PCDHGB1: variants seen among roughly 807,000 people sequenced by gnomAD.
The protein encoded by PCDHGB1 is protocadherin gamma subfamily B, 1, also known as protocadherin gamma-B1.
In PCDHGB1, 34 loss-of-function variants were observed where a neutral mutation model predicts 56.6. That is an observed-to-expected ratio of 0.60 (90% CI 0.46 to 0.80). The LOEUF is 0.80. Among genes scored for constraint, PCDHGB1 ranks in the 30% least tolerant of loss-of-function variants. The probability of loss-of-function intolerance (pLI) is 0.00; values close to 1 mark genes in which losing one functional copy is unlikely to be tolerated. For missense variants in PCDHGB1, 1,278 were observed against 1,204.6 expected (o/e 1.06, Z -0.90); for synonymous variants, 561 against 505.9 (o/e 1.11, Z -1.46).
Position 141,372,293 on chromosome 5 carries a change from C to A in PCDHGB1, c.2409+19624C>A, listed in dbSNP as rs779422890. Reference sequence around the variant, plus strand: ...AGGTGCGCACGGCGCGTACCTTGGGCGACAGGGAGGCCGCCCGCCAGCGCC... The same window carrying A: ...AGGTGCGCACGGCGCGTACCTTGGGAGACAGGGAGGCCGCCCGCCAGCGCC... On this transcript the variant is annotated intron_variant, in intron 1 of 3. Coordinates refer to ENST00000523390, the MANE Select transcript of PCDHGB1 (RefSeq NM_018922.3). 1.9e-6 allele frequency: 3 copies of A among 1,613,106 alleles called. No homozygotes were observed. In the East Asian group the frequency reaches 6.7e-5, roughly 36 times the overall value.
intron 1 of PCDHGB1, chr5:141,370,741 T>C (rs746594689): frequency 6.2e-7 from 1 of 1,613,900 alleles, no homozygotes; most frequent in Non-Finnish European, 8.5e-7. Flanking sequence ...CCTTTAAACT[T>C]TTTTCATGTA....
At chr5:141,418,874 G>A (rs2096295785) in intron 1 of PCDHGB1, 1 of 1,614,024 alleles carries the variant, frequency 6.2e-7, no homozygotes, top group East Asian at 2.2e-5. Context: ...AGAAGTTGTA[G>A]ACGAAAACGA....
In PCDHGB1 at chr5:141,360,423, C is replaced by A. The variant is rs760359468; in HGVS notation, c.2409+7754C>A. On this transcript the variant is annotated intron_variant, in intron 1 of 3. Coordinates refer to ENST00000523390, the MANE Select transcript of PCDHGB1 (RefSeq NM_018922.3). Reference sequence around the variant, plus strand: ...ACAGAATAGACCGAGAACAGATATGCGGGAAGCAGCCTCTGTGTGTTCTGG... The same window carrying A: ...ACAGAATAGACCGAGAACAGATATGAGGGAAGCAGCCTCTGTGTGTTCTGG... 1.4e-5 allele frequency: 23 copies of A among 1,613,790 alleles called. No individual in the cohort carries two copies. The Admixed American group carries it at 2.2e-4, about 15-fold the overall frequency.
chr5:141,507,487 G>A (rs889348168), intron 3 of PCDHGB1, among the ~76,000 whole-genome samples: 1 of 152,204 alleles, frequency 6.6e-6, no homozygotes, highest in African/African-American at 2.4e-5. Context: ...GCCTCCTGAG[G>A]CAGAGCTGTC....
In PCDHGB1 at chr5:141,408,231, G is replaced by A. The variant is rs775180708; in HGVS notation, c.2409+55562G>A. On this transcript the variant is annotated intron_variant, in intron 1 of 3. Coordinates refer to ENST00000523390, the MANE Select transcript of PCDHGB1 (RefSeq NM_018922.3). ...GGAGGGAGCTGCGCGCAGAGGCGCC[G>A]GGCCGGCCCGCGGCAGGTGCTATTT... 5 of 1,567,976 alleles carry A rather than the reference G, an allele frequency of 3.2e-6. No individual in the cohort carries two copies. In the African/African-American group the frequency reaches 5.4e-5, roughly 17 times the overall value.
chr5:141,380,379 A>G (rs1484471466), intron 1 of PCDHGB1, among the ~76,000 whole-genome samples: 1 of 152,244 alleles, frequency 6.6e-6, no homozygotes, highest in Non-Finnish European at 1.5e-5. Context: ...AGTCCCAAAA[A>G]AGAAAAGAGA....
intron 1 of PCDHGB1, chr5:141,408,389 G>T: frequency 6.2e-7 from 1 of 1,614,032 alleles, no homozygotes; most frequent in Non-Finnish European, 8.5e-7. Flanking sequence ...GGATGTGTCG[G>T]CTCGCAAGCT....
chr5:141,382,893 G>A (rs1778536520), intron 1 of PCDHGB1: 1 of 1,534,786 alleles, frequency 6.5e-7, no homozygotes, highest in African/African-American at 1.4e-5. Flanking sequence ...AGAGAAGCAG[G>A]ACGACTATGG....
In PCDHGB1 at chr5:141,350,925, C is replaced by T; in HGVS notation, c.665C>T (p.Thr222Ile). 6.2e-7 allele frequency: 1 copy of T among 1,614,094 alleles called. No homozygotes were observed. The highest frequency in any genetic ancestry group is 1.1e-5 in the South Asian group (1 of 91,090). The change falls in exon 1 of 4, where the codon ACC (threonine) becomes ATC (isoleucine). Residue 222 changes from threonine to isoleucine, a missense_variant. Coordinates refer to ENST00000523390, the MANE Select transcript of PCDHGB1 (RefSeq NM_018922.3). ...MDGGDPPLSG[T>I]THIWIRVTDA... is the part of the protein sequence containing the mutation. ...GGCGGGGACCCGCCTCTAAGCGGCA[C>T]CACCCATATCTGGATCCGAGTTACG...
intron 1 of PCDHGB1, among the ~76,000 whole-genome samples, chr5:141,401,572 C>T (rs1013014550): frequency 3.3e-5 from 5 of 152,268 alleles, no homozygotes; most frequent in Middle Eastern, 3.4e-3. Flanking sequence ...TTCTCTTGCT[C>T]GGAATCCTGA....
In PCDHGB1 at chr5:141,421,516, T is replaced by G. The variant is rs199973694; in HGVS notation, c.2409+68847T>G. On this transcript the variant is annotated intron_variant, in intron 1 of 3. Transcript: ENST00000523390. Reference sequence around the variant, plus strand: ...AGGCAGGATAGACCGGGAGGAGCTCTGTGAGACGGTGTCCTCCTGTTTTTT... The same window carrying G: ...AGGCAGGATAGACCGGGAGGAGCTCGGTGAGACGGTGTCCTCCTGTTTTTT... 1.4e-5 allele frequency: 22 copies of G among 1,614,064 alleles called. No homozygotes were observed. The East Asian group carries it at 4.9e-4, about 36-fold the overall frequency.
rs753872678 is a variant in PCDHGB1, at chr5:141,431,407, C to G, written c.2410-63400C>G. 4 of 1,613,716 alleles carry G rather than the reference C, an allele frequency of 2.5e-6. No individual in the cohort carries two copies. Among genetic ancestry groups the G allele is most frequent in the Non-Finnish European group, 3.4e-6 (4 of 1,180,048 alleles). The stretch of plus-strand genomic sequence containing the variant: ...ACCACCTGGTCCTTACGGCCTCCGA[C>G]GGGGGCGACCCGGTGCGCACAGGCA... On this transcript the variant is annotated intron_variant, in intron 1 of 3. Coordinates refer to ENST00000523390, the MANE Select transcript of PCDHGB1 (RefSeq NM_018922.3). This position sits in a 1 kb window ranked among gnomAD's most constrained non-coding sequence, Gnocchi z 4.8.
At chr5:141,400,431 A>T (rs542969819) in intron 1 of PCDHGB1, 1 of 1,614,034 alleles carries the variant, frequency 6.2e-7, no homozygotes. Context: ...GTAGTGAGCA[A>T]TTGAGTTCAG....
chr5:141,382,263 T>C (rs1447947679), intron 1 of PCDHGB1, among the ~76,000 whole-genome samples: 1 of 152,242 alleles, frequency 6.6e-6, no homozygotes, highest in Non-Finnish European at 1.5e-5. Flanking sequence ...TCATGGTGTC[T>C]AGAACATATG....
intron 1 of PCDHGB1, among the ~76,000 whole-genome samples, chr5:141,407,131 T>C (rs1164616354): frequency 6.6e-6 from 1 of 152,226 alleles, no homozygotes; most frequent in African/African-American, 2.4e-5. Context: ...TGCTTTATTT[T>C]TAAGAAAAAA....
intron 1 of PCDHGB1, chr5:141,364,262 CG>C: frequency 1.3e-6 from 2 of 1,504,192 alleles, no homozygotes; most frequent in Non-Finnish European, 1.8e-6. Flanking sequence ...ATGTACCCAT[CG>C]GCTTTAGATA....
At chr5:141,387,213 G>C (rs1279285840) in intron 1 of PCDHGB1, among the ~76,000 whole-genome samples, 4 of 152,128 alleles carry the variant, frequency 2.6e-5, no homozygotes, top group Admixed American at 1.3e-4. Flanking sequence ...ATACTCTCCG[G>C]AAAAAGTTGA....
intron 1 of PCDHGB1, chr5:141,371,206 A>T: frequency 6.2e-7 from 1 of 1,614,018 alleles, no homozygotes. Context: ...GACATGGATG[A>T]GGGCATCAAT....
At chr5:141,434,830 C>A (rs7703679) in intron 1 of PCDHGB1, among the ~76,000 whole-genome samples, 45,467 of 151,546 alleles carry the variant, frequency 0.3, 8,050 homozygotes, top group African/African-American at 0.5. Flanking sequence ...GTACACTTGG[C>A]ATTTATAAAG....
Sources: allele counts gnomAD v4.1 joint callset (sites outside exome capture counted in the v4.1 genomes callset), GRCh38; gene constraint gnomAD v4.1.1; non-coding constraint Gnocchi (gnomAD v3.1); transcripts MANE v1.5; gene names NCBI Gene and HGNC (gene_info 2026-07-23, HGNC 2026-07-21).